Variants in CNTNAP2 observed in about 807,000 individuals in gnomAD.
CNTNAP2 encodes contactin-associated protein-like 2.
A neutral mutation model predicts 155.2 loss-of-function variants in CNTNAP2; 98 were observed. That is an observed-to-expected ratio of 0.63 (90% CI 0.54 to 0.75). The LOEUF is 0.75. Among genes scored for constraint, CNTNAP2 ranks in the 30% least tolerant of loss-of-function variants. The pLI is 0.00. For missense variants in CNTNAP2, 1,727 were observed against 1,688.1 expected, an observed-to-expected ratio of 1.02 and a Z score of -0.40; for synonymous variants, 651 against 631.2, an observed-to-expected ratio of 1.03 and a Z score of -0.47.
intron 22 of CNTNAP2, among the ~76,000 whole-genome samples, chr7:148,402,063 A>G (rs1009589492): frequency 1.3e-5 from 2 of 152,234 alleles, no homozygotes; most frequent in Admixed American, 6.5e-5. Flanking sequence ...AATGGAATCA[A>G]TTGCCCACTC....
chr7:147,997,678 G>A (rs1172256440), intron 15 of CNTNAP2, among the ~76,000 whole-genome samples: 9 of 152,304 alleles, frequency 5.9e-5, no homozygotes, highest in African/African-American at 1.7e-4. Context: ...CTCTGAGAGA[G>A]AGAGGAGTCA....
intron 14 of CNTNAP2, among the ~76,000 whole-genome samples, chr7:147,941,060 A>G (rs1294893875): frequency 6.6e-6 from 1 of 152,210 alleles, no homozygotes; most frequent in Non-Finnish European, 1.5e-5. Context: ...GCAAGAAACT[A>G]TACACGTACT....
Position 147,522,313 on chromosome 7 carries a change from G to A in CNTNAP2, c.1777+36272G>A, listed in dbSNP as rs1584789216. On this transcript the variant is annotated intron_variant, in intron 11 of 23. Coordinates refer to ENST00000361727, the MANE Select transcript of CNTNAP2 (RefSeq NM_014141.6). Reference sequence around the variant, plus strand: ...GGTTTTTTATTTCTGATTTTAATTGGTGCTTAAAGGAATATCTAGGTATTC... The same window carrying A: ...GGTTTTTTATTTCTGATTTTAATTGATGCTTAAAGGAATATCTAGGTATTC... Among the ~76,000 whole-genome samples, 3 of 152,146 alleles carry A rather than the reference G, an allele frequency of 2.0e-5. No individual in the cohort carries two copies. In the South Asian group the frequency reaches 6.2e-4, roughly 32 times the overall value.
At chr7:147,467,603 C>T (rs908687786) in intron 10 of CNTNAP2, among the ~76,000 whole-genome samples, 2 of 152,208 alleles carry the variant, frequency 1.3e-5, no homozygotes, top group Non-Finnish European at 2.9e-5. Context: ...GCGACGGATA[C>T]ATTAAAAGCT....
intron 13 of CNTNAP2, among the ~76,000 whole-genome samples, chr7:147,851,159 A>G (rs1798931896): frequency 6.6e-6 from 1 of 152,206 alleles, no homozygotes; most frequent in African/African-American, 2.4e-5. Flanking sequence ...CAGCCAACAG[A>G]CACATGAAAA....
intron 13 of CNTNAP2, among the ~76,000 whole-genome samples, chr7:147,698,649 A>G (rs1206841331): frequency 6.6e-6 from 1 of 152,062 alleles, no homozygotes; most frequent in East Asian, 1.9e-4. Context: ...GCTGTCCTGA[A>G]CCCCAGGCTC....
intron 10 of CNTNAP2, among the ~76,000 whole-genome samples, chr7:147,479,509 A>G (rs1798384105): frequency 1.3e-5 from 2 of 152,234 alleles, no homozygotes; most frequent in South Asian, 4.1e-4. Flanking sequence ...ATGGTTTTGC[A>G]GGTTCTTTTC....
rs867508035 is a variant in CNTNAP2 at position 148,283,685 on chromosome 7, A to G, written c.3475+16559A>G. Among the ~76,000 whole-genome samples the G allele has an allele frequency of 3.3e-5, 5 of 152,156 alleles. No individual in the cohort carries two copies. The Middle Eastern group carries it at 0.01, about 311-fold the overall frequency. ...TTCTTGTGTTTTTATTGGTGATTTT[A>G]CTGTATAAAATGGCCCCTAAGTGGA... is the stretch of plus-strand genomic sequence containing the variant. On this transcript the variant is annotated intron_variant, in intron 21 of 23. Transcript: ENST00000361727.
chr7:147,789,292 C>T (rs551022672), intron 13 of CNTNAP2, among the ~76,000 whole-genome samples: 4 of 152,176 alleles, frequency 2.6e-5, no homozygotes, highest in Non-Finnish European at 5.9e-5. Flanking sequence ...TCACCACTAT[C>T]CAAACCACAA....
At chr7:146,332,577 C>G (rs553883649) in intron 1 of CNTNAP2, among the ~76,000 whole-genome samples, 71 of 152,224 alleles carry the variant, frequency 4.7e-4, no homozygotes, top group Non-Finnish European at 9.9e-4. Flanking sequence ...ATTCTATTAT[C>G]TCCAAGCATG....
intron 1 of CNTNAP2, among the ~76,000 whole-genome samples, chr7:146,493,484 T>C (rs1229089047): frequency 6.6e-6 from 1 of 152,146 alleles, no homozygotes; most frequent in Non-Finnish European, 1.5e-5. Context: ...AGGTGATGTT[T>C]CCTGGAGTGA....
intron 13 of CNTNAP2, among the ~76,000 whole-genome samples, chr7:147,888,144 A>G (rs919258272): frequency 2.0e-5 from 3 of 152,192 alleles, no homozygotes; most frequent in African/African-American, 7.2e-5. Flanking sequence ...TTGTGAATCA[A>G]TAGAGATAAC....
chr7:146,253,422 C>T (rs750882460), intron 1 of CNTNAP2, among the ~76,000 whole-genome samples: 7 of 152,246 alleles, frequency 4.6e-5, no homozygotes, highest in Non-Finnish European at 8.8e-5. Flanking sequence ...CTGCAGCGAT[C>T]ACATACACCT....
At chr7:147,392,909 T>G (rs1796744809) in intron 9 of CNTNAP2, among the ~76,000 whole-genome samples, 1 of 152,076 alleles carries the variant, frequency 6.6e-6, no homozygotes, top group African/African-American at 2.4e-5. Context: ...TGTCCAGACA[T>G]CACATTCTTT....
At chr7:147,112,961 T>C (rs1286100973) in intron 5 of CNTNAP2, among the ~76,000 whole-genome samples, 1 of 152,108 alleles carries the variant, frequency 6.6e-6, no homozygotes, top group Admixed American at 6.6e-5. Context: ...AATAGGCATG[T>C]TATCAGCTCT....
At chr7:148,239,827 G>A (rs746612369) in intron 20 of CNTNAP2, among the ~76,000 whole-genome samples, 2 of 152,174 alleles carry the variant, frequency 1.3e-5, no homozygotes, top group Non-Finnish European at 2.9e-5. Flanking sequence ...TAGGAGTGTG[G>A]TGGAGGCGTG....
chr7:148,010,446 C>T (rs1405471059), intron 15 of CNTNAP2, among the ~76,000 whole-genome samples: 1 of 151,598 alleles, frequency 6.6e-6, no homozygotes, highest in Non-Finnish European at 1.5e-5. Context: ...GTGCTTCATG[C>T]CTTTTTTCTT....
At chr7:148,293,235 T>G (rs1454539580) in intron 21 of CNTNAP2, among the ~76,000 whole-genome samples, 3 of 152,176 alleles carry the variant, frequency 2.0e-5, no homozygotes, top group Admixed American at 2.0e-4. Flanking sequence ...ATGGTATTTT[T>G]TGTGTGTGAG....
intron 8 of CNTNAP2, among the ~76,000 whole-genome samples, chr7:147,269,269 T>G (rs1419009272): frequency 3.3e-5 from 5 of 152,168 alleles, no homozygotes; most frequent in African/African-American, 1.2e-4. Flanking sequence ...TAGGGTAACT[T>G]TTAGGTTAAG....
Sources: allele counts gnomAD v4.1 joint callset (sites outside exome capture counted in the v4.1 genomes callset), GRCh38; gene constraint gnomAD v4.1.1; transcripts MANE v1.5; gene names NCBI Gene and HGNC (gene_info 2026-07-23, HGNC 2026-07-21).